The following CCDC171 variants were observed in gnomAD, a reference collection of about 807,000 sequenced individuals.
The protein encoded by CCDC171 is coiled-coil domain containing 171.
In CCDC171, 177 loss-of-function variants were observed where a neutral mutation model predicts 168.2. The observed-to-expected ratio is 1.05, with a 90% CI of 0.93 to 1.19. CCDC171 has a LOEUF of 1.19. Ranked by LOEUF, CCDC171 falls within the 50% of genes most tolerant of loss-of-function variation. CCDC171 has a pLI of 0.00. For missense variants in CCDC171, 1,991 were observed against 1,539.0 expected (o/e 1.29, Z -4.91); for synonymous variants, 687 against 540.8 (o/e 1.27, Z -3.75).
intron 21 of CCDC171, among the ~76,000 whole-genome samples, chr9:15,840,006 TG>T (rs2060610341): frequency 6.6e-6 from 1 of 152,150 alleles, no homozygotes; most frequent in East Asian, 1.9e-4. Context: ...TTTATTGAGT[TG>T]GTATTTGATT....
intron 8 of CCDC171, among the ~76,000 whole-genome samples, chr9:15,661,575 C>T (rs981662952): frequency 6.6e-6 from 1 of 152,150 alleles, no homozygotes; most frequent in Non-Finnish European, 1.5e-5. Context: ...TGAGGTACAT[C>T]TACTACCTTT....
At chr9:15,837,701 C>T (rs2060509562) in intron 21 of CCDC171, among the ~76,000 whole-genome samples, 1 of 152,158 alleles carries the variant, frequency 6.6e-6, no homozygotes, top group African/African-American at 2.4e-5. Flanking sequence ...TTTGTTTTAA[C>T]AACTCTGTAT....
At chr9:15,993,671 A>G (rs1474610142) in intron 3 of CCDC171, among the ~76,000 whole-genome samples, 1 of 152,172 alleles carries the variant, frequency 6.6e-6, no homozygotes, top group South Asian at 2.1e-4. Flanking sequence ...TACAGAATGG[A>G]AGAAAATTTT....
At chr9:16,061,518 C>A (rs1432124424), downstream of CCDC171, 1 of 151,942 alleles carries the variant, frequency 6.6e-6, no homozygotes, top group East Asian at 1.9e-4. Flanking sequence ...ATAGTTTTTG[C>A]TTTTTCAAGT....
intron 3 of CCDC171, among the ~76,000 whole-genome samples, chr9:16,009,024 T>G (rs908327789): frequency 1.3e-5 from 2 of 151,760 alleles, no homozygotes; most frequent in Non-Finnish European, 2.9e-5. Flanking sequence ...TAATACAATT[T>G]GTATTATTAT....
chr9:15,918,520 T>C (rs1200992909), intron 24 of CCDC171, among the ~76,000 whole-genome samples: 1 of 151,492 alleles, frequency 6.6e-6, no homozygotes, highest in Non-Finnish European at 1.5e-5. Flanking sequence ...AGACTTGACA[T>C]AGGAAAAAAC....
chr9:15,829,111 A>G (rs1215087472), intron 21 of CCDC171, among the ~76,000 whole-genome samples: 2 of 152,248 alleles, frequency 1.3e-5, no homozygotes, highest in African/African-American at 2.4e-5. Context: ...ACAGCAACCT[A>G]TAGTATAGAC....
intron 25 of CCDC171, among the ~76,000 whole-genome samples, chr9:15,962,586 T>G (rs753861240): frequency 2.6e-5 from 4 of 152,154 alleles, no homozygotes; most frequent in Admixed American, 1.3e-4. Flanking sequence ...TGTCTTATTT[T>G]CCATTTTTGA....
chr9:15,867,495 A>T (rs2061840692), intron 23 of CCDC171, among the ~76,000 whole-genome samples: 1 of 151,930 alleles, frequency 6.6e-6, no homozygotes, highest in Non-Finnish European at 1.5e-5. Context: ...CAGTTTCTTG[A>T]TCTTGGTTCC....
At chr9:15,682,259 C>T (rs906999841) in intron 10 of CCDC171, among the ~76,000 whole-genome samples, 2 of 151,972 alleles carry the variant, frequency 1.3e-5, no homozygotes, top group Non-Finnish European at 2.9e-5. Flanking sequence ...GATACAGCAG[C>T]AGAGCTGTTA....
intron 25 of CCDC171, among the ~76,000 whole-genome samples, chr9:15,958,978 G>A (rs1297950414): frequency 6.6e-6 from 1 of 152,138 alleles, no homozygotes; most frequent in Non-Finnish European, 1.5e-5. Flanking sequence ...GTGTTCATGT[G>A]CCCTGTCTCT....
intron 1 of CCDC171, among the ~76,000 whole-genome samples, chr9:15,558,139 C>T (rs548678332): frequency 3.9e-4 from 59 of 151,524 alleles, no homozygotes; most frequent in African/African-American, 1.4e-3. Flanking sequence ...ATTTGGTTTG[C>T]CAGTATTTTA....
chr9:15,714,244 T>C (rs2134077987), intron 11 of CCDC171, among the ~76,000 whole-genome samples: 1 of 152,276 alleles, frequency 6.6e-6, no homozygotes, highest in East Asian at 1.9e-4. Flanking sequence ...TTTCAATTTG[T>C]GTTTTGGTAG....
chr9:16,092,670 C>A, the CCDC171 span, among the ~76,000 whole-genome samples: 1 of 152,232 alleles, frequency 6.6e-6, no homozygotes, highest in Non-Finnish European at 1.5e-5. Flanking sequence ...GATTTCCTCA[C>A]TGGGCTCTGC....
intron 7 of CCDC171, among the ~76,000 whole-genome samples, chr9:15,642,332 C>CGTGTGT (rs1220559854): frequency 1.6e-4 from 11 of 69,382 alleles, no homozygotes; most frequent in African/African-American, 3.4e-4. Flanking sequence ...TATATATACA[C>CGTGTGT]GTGTGTGTGT....
At chr9:15,645,234 C>A (rs1358021799) in intron 7 of CCDC171, among the ~76,000 whole-genome samples, 1 of 152,200 alleles carries the variant, frequency 6.6e-6, no homozygotes, top group Non-Finnish European at 1.5e-5. Flanking sequence ...AAAACCCCAT[C>A]TGTATGTCAC....
chr9:15,830,108 T>TA (rs2060170074), intron 21 of CCDC171, among the ~76,000 whole-genome samples: 1 of 152,192 alleles, frequency 6.6e-6, no homozygotes, highest in South Asian at 2.1e-4. Flanking sequence ...GTAGTACCCA[T>TA]AAAAATCCTT....
intron 6 of CCDC171, among the ~76,000 whole-genome samples, chr9:15,609,663 G>C (rs1407153067): frequency 2.6e-5 from 4 of 151,926 alleles, no homozygotes; most frequent in Non-Finnish European, 4.4e-5. Flanking sequence ...TTGTTCTTGG[G>C]TACTCTGTTC....
At chr9:15,619,334 A>G (rs2044334008) in intron 6 of CCDC171, among the ~76,000 whole-genome samples, 1 of 152,222 alleles carries the variant, frequency 6.6e-6, no homozygotes, top group Non-Finnish European at 1.5e-5. Context: ...GTGAATGCAA[A>G]GGAAAAGTTC....
Sources: gnomAD v4.1 joint callset for allele counts (sites outside exome capture counted in the v4.1 genomes callset) on GRCh38, gnomAD v4.1.1 for gene constraint, MANE v1.5 for transcripts, NCBI Gene and HGNC (gene_info 2026-07-23, HGNC 2026-07-21) for gene names.